Variants in KIF21A observed in about 807,000 individuals in gnomAD.
KIF21A encodes kinesin-like protein KIF21A.
In KIF21A, 114 loss-of-function variants were observed where a neutral mutation model predicts 202.9. The observed-to-expected ratio is 0.56, with a 90% CI of 0.48 to 0.66. The LOEUF is 0.66. Among genes scored for constraint, KIF21A ranks in the 30% least tolerant of loss-of-function variants. KIF21A has a pLI of 0.00. For synonymous variants in KIF21A, 667 were observed against 670.8 expected, an observed-to-expected ratio of 0.99 and a Z score of 0.09; for missense variants, 1,677 against 1,994.9, an observed-to-expected ratio of 0.84 and a Z score of 3.04.
chr12:39,418,875 C>T (rs913239023), intron 1 of KIF21A, among the ~76,000 whole-genome samples: 1 of 152,178 alleles, frequency 6.6e-6, no homozygotes, highest in African/African-American at 2.4e-5. Flanking sequence ...ATTTTCTAAG[C>T]AACTACTATG....
At chr12:39,322,520 A>T in intron 27 of KIF21A, 148 bp downstream of exon 27, 1 of 622,224 alleles carries the variant, frequency 1.6e-6, no homozygotes, top group Non-Finnish European at 2.8e-6. Flanking sequence ...CCAATACCTT[A>T]GGGGAGACAA....
intron 1 of KIF21A, among the ~76,000 whole-genome samples, chr12:39,381,316 A>G (rs1950600579): frequency 6.6e-6 from 1 of 151,910 alleles, no homozygotes; most frequent in African/African-American, 2.4e-5. Context: ...CAAAAAAAAA[A>G]AAAAAAAAAC....
chr12:39,414,928 A>ATT (rs201597276), intron 1 of KIF21A, among the ~76,000 whole-genome samples: 11,127 of 139,454 alleles, frequency 0.08, 868 homozygotes, highest in African/African-American at 0.21. Flanking sequence ...TGTTTTTTGG[A>ATT]TTTTTTTTTT....
intron 5 of KIF21A, 24 bp downstream of exon 5, chr12:39,367,006 A>T (rs751503235): frequency 1.2e-6 from 2 of 1,606,852 alleles, no homozygotes; most frequent in Non-Finnish European, 8.5e-7. Context: ...TTGAAAGTTT[A>T]AGAAATTAGA....
chr12:39,331,485 CAAACATAATGGATAACATGCTAATG>C (rs1946499802), intron 22 of KIF21A, among the ~76,000 whole-genome samples, 180 bp downstream of exon 22: 1 of 152,064 alleles, frequency 6.6e-6, no homozygotes, highest in Non-Finnish European at 1.5e-5. Context: ...CTCTAATAAA[CAAACATAATGGATAACATGCTAATG>C]AAATTGATCT....
At chr12:39,431,172 T>C (rs1937841135) in intron 1 of KIF21A, among the ~76,000 whole-genome samples, 1 of 152,142 alleles carries the variant, frequency 6.6e-6, no homozygotes, top group African/African-American at 2.4e-5. Context: ...AGTGAAGTAA[T>C]GTCCAGAGAT....
chr12:39,370,912 ATTGGTTTCACAACTCCC>A (rs1400095410), intron 1 of KIF21A, among the ~76,000 whole-genome samples: 2 of 152,122 alleles, frequency 1.3e-5, no homozygotes, highest in East Asian at 3.9e-4. Flanking sequence ...TTGGTTTCAC[ATTGGTTTCACAACTCCC>A]CATGGATACC....
At position 39,416,815 on chromosome 12, in the gene KIF21A, G is replaced by GTATA. The variant is rs1372279488; in HGVS notation, c.44+26108_44+26111dup. Among the ~76,000 whole-genome samples, 18 of 94,142 alleles carry GTATA rather than the reference G, an allele frequency of 1.9e-4. 2 individuals are homozygous for GTATA. Among genetic ancestry groups the GTATA allele is most frequent in the African/African-American group, 7.7e-4 (18 of 23,240 alleles). The allele number at this position is 94,142 out of a possible 152,430, so 61.8% of individuals were successfully genotyped here. ...TATATATATGTACATATATATGTGT[G>GTATA]TATATATGTACATATATGTGTATAT... is the stretch of plus-strand genomic sequence containing the variant. On this transcript the variant is annotated intron_variant, in intron 1 of 37. Coordinates refer to ENST00000361418, the MANE Select transcript of KIF21A (RefSeq NM_001173464.2).
intron 31 of KIF21A, among the ~76,000 whole-genome samples, chr12:39,313,182 A>C (rs1944196227): frequency 6.6e-6 from 1 of 151,864 alleles, no homozygotes; most frequent in South Asian, 2.1e-4. Context: ...TGTAAGCAAA[A>C]TCCTTGTCAG....
intron 11 of KIF21A, among the ~76,000 whole-genome samples, chr12:39,347,819 C>T (rs958489698): frequency 2.0e-5 from 3 of 151,954 alleles, no homozygotes; most frequent in Non-Finnish European, 2.9e-5. Context: ...GCAGTCTGAT[C>T]GATGAGTGAA....
chr12:39,304,527 T>C (rs1943265343), intron 35 of KIF21A, among the ~76,000 whole-genome samples: 1 of 152,210 alleles, frequency 6.6e-6, no homozygotes, highest in Non-Finnish European at 1.5e-5. Context: ...ATTCTGAAGA[T>C]CATAATATTT....
chr12:39,300,997 C>T (rs913965186), intron 37 of KIF21A, among the ~76,000 whole-genome samples: 1 of 152,132 alleles, frequency 6.6e-6, no homozygotes, highest in African/African-American at 2.4e-5. Flanking sequence ...CAATTCCCAG[C>T]ACTTAGAAGA....
In KIF21A at chr12:39,357,260, G is replaced by A; in HGVS notation, c.1393C>T (p.Leu465Phe). 2 of 1,614,070 alleles carry A rather than the reference G, an allele frequency of 1.2e-6. No individual in the cohort carries two copies. Among genetic ancestry groups the A allele is most frequent in the Non-Finnish European group, 1.7e-6 (2 of 1,179,968 alleles). Residue 465 changes from leucine (L) to phenylalanine (F), a missense_variant, in exon 9 of 38, where the codon CTT becomes TTT. Transcript: ENST00000361418. ...CCTACCCACATACCTGCTCTGGCAA[G>A]AACATGGTTGGCCTGATCACTAACA... ...QLVSDQANHV[L>F]ARAGEGNEEI...
intron 1 of KIF21A, among the ~76,000 whole-genome samples, chr12:39,409,854 C>CA (rs1952937583): frequency 6.8e-6 from 1 of 147,348 alleles, no homozygotes; most frequent in Admixed American, 6.8e-5. Context: ...TTTTTTTAGA[C>CA]AGAGTCTCAC....
chr12:39,380,448 T>C (rs1000244506), intron 1 of KIF21A, among the ~76,000 whole-genome samples: 4 of 152,262 alleles, frequency 2.6e-5, no homozygotes, highest in Admixed American at 6.5e-5. Context: ...TTGTTAAATA[T>C]GTAACAAATG....
chr12:39,361,142 A>T (rs1949176766), intron 7 of KIF21A, among the ~76,000 whole-genome samples: 1 of 152,246 alleles, frequency 6.6e-6, no homozygotes, highest in Non-Finnish European at 1.5e-5. Context: ...AATATCTTAG[A>T]CCACTTATAA....
intron 1 of KIF21A, among the ~76,000 whole-genome samples, chr12:39,438,291 G>A (rs1939097763): frequency 6.6e-6 from 1 of 152,144 alleles, no homozygotes; most frequent in Non-Finnish European, 1.5e-5. Context: ...TATTAGGAAA[G>A]TCAAGTTTGA....
intron 1 of KIF21A, among the ~76,000 whole-genome samples, chr12:39,430,329 G>T (rs1445315381): frequency 6.6e-6 from 1 of 152,044 alleles, no homozygotes; most frequent in Non-Finnish European, 1.5e-5. Flanking sequence ...ACTTTGGGAG[G>T]CCGAGGTGGG....
chr12:39,361,441 G>A (rs1175932611), intron 7 of KIF21A, among the ~76,000 whole-genome samples: 2 of 151,634 alleles, frequency 1.3e-5, no homozygotes, highest in African/African-American at 4.8e-5. Flanking sequence ...AGAGACATGA[G>A]TTAAGACAAA....
Sources: gnomAD v4.1 joint callset for allele counts (sites outside exome capture counted in the v4.1 genomes callset) on GRCh38, gnomAD v4.1.1 for gene constraint, MANE v1.5 for transcripts, NCBI Gene and HGNC (gene_info 2026-07-23, HGNC 2026-07-21) for gene names.